VTI1A: variants seen among roughly 807,000 people sequenced by gnomAD.
The protein encoded by VTI1A is vesicle transport through interaction with t-SNAREs homolog 1A.
In VTI1A, 22 loss-of-function variants were observed where a neutral mutation model predicts 34.9. The observed-to-expected ratio is 0.63, with a 90% CI of 0.45 to 0.90. The LOEUF is 0.90. Among genes scored for constraint, VTI1A ranks in the 40% least tolerant of loss-of-function variants. VTI1A has a pLI of 0.00. For synonymous variants in VTI1A, 87 were observed against 97.3 expected (o/e 0.89, Z 0.62); for missense variants, 268 against 275.6 (o/e 0.97, Z 0.20).
chr10:112,531,108 C>CGTGCGT (rs1850420469), intron 4 of VTI1A, among the ~76,000 whole-genome samples: 1 of 138,546 alleles, frequency 7.2e-6, no homozygotes, highest in African/African-American at 2.8e-5. Flanking sequence ...CACACACGTG[C>CGTGCGT]GCACGTGCGC....
chr10:112,728,081 G>A (rs1282734075), intron 7 of VTI1A, among the ~76,000 whole-genome samples: 1 of 152,132 alleles, frequency 6.6e-6, no homozygotes, highest in Non-Finnish European at 1.5e-5. Flanking sequence ...CGAAGTCACC[G>A]GCTGTCTCAC....
intron 7 of VTI1A, chr10:112,736,785 GCC>G: frequency 6.6e-7 from 1 of 1,508,424 alleles, no homozygotes; most frequent in African/African-American, 1.4e-5. Context: ...ACCAGAACCA[GCC>G]AGTGGAAATT....
chr10:112,472,495 G>A (rs1164323796), intron 3 of VTI1A, among the ~76,000 whole-genome samples: 1 of 151,176 alleles, frequency 6.6e-6, no homozygotes, highest in Non-Finnish European at 1.5e-5. Flanking sequence ...TGGACAACTT[G>A]AGTATCTGAG....
chr10:112,776,455 T>A (rs1424634469), intron 7 of VTI1A, among the ~76,000 whole-genome samples: 1 of 152,130 alleles, frequency 6.6e-6, no homozygotes. Context: ...TCTGTTCTGG[T>A]CTGTGTCCCG....
chr10:112,774,370 G>A (rs1684009551), intron 7 of VTI1A, among the ~76,000 whole-genome samples: 1 of 152,120 alleles, frequency 6.6e-6, no homozygotes, highest in Non-Finnish European at 1.5e-5. Flanking sequence ...CCATGACCTG[G>A]GCCTGCCTCT....
At chr10:112,785,897 A>G (rs1484756578) in intron 7 of VTI1A, among the ~76,000 whole-genome samples, 2 of 152,230 alleles carry the variant, frequency 1.3e-5, no homozygotes, top group South Asian at 2.1e-4. Flanking sequence ...GTCAGGTGGT[A>G]TAAGTCTTCC....
intron 5 of VTI1A, among the ~76,000 whole-genome samples, chr10:112,600,345 A>G (rs140843805): frequency 6.6e-6 from 1 of 152,152 alleles, no homozygotes; most frequent in Non-Finnish European, 1.5e-5. Context: ...ATGACTTCCC[A>G]TCATATTTAG....
chr10:112,734,921 T>C (rs10787459), intron 7 of VTI1A, among the ~76,000 whole-genome samples: 63,443 of 151,940 alleles, frequency 0.42, 16,502 homozygotes, highest in African/African-American at 0.74. Context: ...CATGAGCAAC[T>C]GCGCCCAGCC....
At chr10:112,594,962 G>A (rs1176064167) in intron 5 of VTI1A, among the ~76,000 whole-genome samples, 1 of 147,292 alleles carries the variant, frequency 6.8e-6, no homozygotes, top group Non-Finnish European at 1.5e-5. Context: ...CCAAAACAGA[G>A]ATATAGATCA....
chr10:112,664,852 C>T (rs933774271), intron 5 of VTI1A, among the ~76,000 whole-genome samples: 9 of 152,148 alleles, frequency 5.9e-5, no homozygotes, highest in Non-Finnish European at 1.2e-4. Context: ...TCCAGGAATT[C>T]GTTTATCATG....
chr10:112,740,624 A>G (rs1181460295), intron 7 of VTI1A, among the ~76,000 whole-genome samples: 2 of 152,216 alleles, frequency 1.3e-5, no homozygotes, highest in African/African-American at 2.4e-5. Flanking sequence ...CCACAGTGAG[A>G]TACTACTTCC....
At chr10:112,500,383 C>T (rs1245558712) in intron 3 of VTI1A, among the ~76,000 whole-genome samples, 2 of 150,980 alleles carry the variant, frequency 1.3e-5, no homozygotes, top group African/African-American at 2.4e-5. Flanking sequence ...TGCAGTCAGC[C>T]GAGATCGCAC....
chr10:112,729,195 A>G (rs919335754), intron 7 of VTI1A, among the ~76,000 whole-genome samples: 7 of 152,212 alleles, frequency 4.6e-5, no homozygotes, highest in Non-Finnish European at 8.8e-5. Context: ...TTAATGAAAA[A>G]GGTGTCACTT....
At chr10:112,607,339 A>AC (rs1248209400) in intron 5 of VTI1A, among the ~76,000 whole-genome samples, 1 of 151,994 alleles carries the variant, frequency 6.6e-6, no homozygotes, top group African/African-American at 2.4e-5. Flanking sequence ...GCTGTCCAAG[A>AC]CCATATAGGC....
chr10:112,466,492 T>C (rs1008082695), intron 3 of VTI1A, among the ~76,000 whole-genome samples: 37 of 152,184 alleles, frequency 2.4e-4, no homozygotes, highest in African/African-American at 8.9e-4. Flanking sequence ...TGCCCTGTAC[T>C]AGGGTAACAT....
chr10:112,586,041 C>T (rs1844142131), intron 5 of VTI1A, among the ~76,000 whole-genome samples: 1 of 151,806 alleles, frequency 6.6e-6, no homozygotes, highest in Non-Finnish European at 1.5e-5. Context: ...ACGTCGATTG[C>T]TGAAAAAACC....
At chr10:112,758,957 C>T (rs934086298) in intron 7 of VTI1A, among the ~76,000 whole-genome samples, 1 of 152,130 alleles carries the variant, frequency 6.6e-6, no homozygotes, top group Non-Finnish European at 1.5e-5. Flanking sequence ...TAAAGAGAAA[C>T]GATATGAGCC....
intron 5 of VTI1A, among the ~76,000 whole-genome samples, chr10:112,566,636 G>A (rs2134348440): frequency 6.6e-6 from 1 of 152,228 alleles, no homozygotes; most frequent in African/African-American, 2.4e-5. Flanking sequence ...TAATAGTAGA[G>A]AAACTTGTGA....
At chr10:112,537,311 G>GTGTATATATA (rs1419438697) in intron 4 of VTI1A, among the ~76,000 whole-genome samples, 1 of 65,222 alleles carries the variant, frequency 1.5e-5, no homozygotes, top group African/African-American at 4.5e-5. Flanking sequence ...AAGTATCTAG[G>GTGTATATATA]TATATATATA....
Sources: gnomAD v4.1 joint callset for allele counts (sites outside exome capture counted in the v4.1 genomes callset) on GRCh38, gnomAD v4.1.1 for gene constraint, MANE v1.5 for transcripts, NCBI Gene and HGNC (gene_info 2026-07-23, HGNC 2026-07-21) for gene names.